Variants in FANCC observed in about 807,000 individuals in gnomAD.
FANCC encodes FA complementation group C.
A neutral mutation model predicts 71.3 loss-of-function variants in FANCC; 55 were observed. That is an observed-to-expected ratio of 0.77 (90% CI 0.62 to 0.97). The LOEUF is 0.97. FANCC is among the 50% of genes least tolerant of loss of function. The probability of loss-of-function intolerance (pLI) is 0.00; values close to 1 mark genes in which losing one functional copy is unlikely to be tolerated. For synonymous variants in FANCC, 275 were observed against 244.9 expected (o/e 1.12, Z -1.15); for missense variants, 678 against 670.9 (o/e 1.01, Z -0.12).
At chr9:95,149,884 A>G in intron 7 of FANCC, 39 bp downstream of exon 7, 1 of 1,563,204 alleles carries the variant, frequency 6.4e-7, no homozygotes, top group Non-Finnish European at 8.7e-7. Flanking sequence ...TAAGAAAAGG[A>G]AAAACGACGC....
intron 4 of FANCC, among the ~76,000 whole-genome samples, chr9:95,210,378 G>A (rs1023959073): frequency 6.6e-6 from 1 of 151,910 alleles, no homozygotes; most frequent in Non-Finnish European, 1.5e-5. Context: ...AAAAGCAAGA[G>A]AAGTCTCAAT....
chr9:95,127,784 G>C (rs2135002870), intron 8 of FANCC, among the ~76,000 whole-genome samples: 1 of 152,358 alleles, frequency 6.6e-6, no homozygotes, highest in Middle Eastern at 3.4e-3. Context: ...GCGCCTCCTC[G>C]CGGCCTCCCC....
intron 3 of FANCC, among the ~76,000 whole-genome samples, chr9:95,243,711 G>A (rs541637330): frequency 1.3e-5 from 2 of 152,144 alleles, no homozygotes; most frequent in South Asian, 4.1e-4. Flanking sequence ...GGAGAATGGC[G>A]TGAACCTAGG....
chr9:95,111,002 G>C, intron 13 of FANCC: 1 of 1,429,854 alleles, frequency 7.0e-7, no homozygotes, highest in Non-Finnish European at 9.1e-7. Flanking sequence ...GTAATGTGAG[G>C]ATCTGTTGAC....
intron 3 of FANCC, among the ~76,000 whole-genome samples, chr9:95,244,713 A>AC (rs1272065347): frequency 3.0e-5 from 4 of 133,678 alleles, no homozygotes; most frequent in East Asian, 2.2e-4. Context: ...AAAAAAAAAA[A>AC]CCCAACACTT....
intron 6 of FANCC, among the ~76,000 whole-genome samples, chr9:95,158,028 G>C (rs1230732661): frequency 1.3e-5 from 2 of 152,070 alleles, no homozygotes. Flanking sequence ...AGATCTTTTA[G>C]GGAGGAAGAT....
At chr9:95,155,862 GTGCT>G (rs1240246751) in intron 6 of FANCC, among the ~76,000 whole-genome samples, 1 of 150,622 alleles carries the variant, frequency 6.6e-6, no homozygotes, top group Non-Finnish European at 1.5e-5. Context: ...GGGATTACAG[GTGCT>G]TGCCACCACA....
At chr9:95,268,769 A>G (rs1564812897) in intron 1 of FANCC, among the ~76,000 whole-genome samples, 1 of 152,170 alleles carries the variant, frequency 6.6e-6, no homozygotes, top group Non-Finnish European at 1.5e-5. Flanking sequence ...GAGAAGGTAA[A>G]GACCTTAATT....
chr9:95,209,935 G>A (rs948653804), intron 4 of FANCC, among the ~76,000 whole-genome samples: 1 of 152,096 alleles, frequency 6.6e-6, no homozygotes, highest in African/African-American at 2.4e-5. Context: ...TGTATACCAG[G>A]AAATATGCAC....
intron 6 of FANCC, among the ~76,000 whole-genome samples, chr9:95,154,893 A>C (rs1248865038): frequency 2.0e-5 from 3 of 152,124 alleles, no homozygotes; most frequent in African/African-American, 4.8e-5. Context: ...TACAATGTTA[A>C]CTAGTAAAAT....
At chr9:95,190,853 G>A (rs759878493) in intron 4 of FANCC, among the ~76,000 whole-genome samples, 9 of 152,216 alleles carry the variant, frequency 5.9e-5, no homozygotes, top group Non-Finnish European at 1.3e-4. Context: ...ATTTTGTACA[G>A]TCCCATGATT....
intron 4 of FANCC, among the ~76,000 whole-genome samples, chr9:95,177,555 C>T (rs1826090375): frequency 6.6e-6 from 1 of 152,208 alleles, no homozygotes; most frequent in Admixed American, 6.5e-5. Flanking sequence ...TTTTGTTGAA[C>T]TTTTGGACTA....
In FANCC at chr9:95,133,420, G is replaced by A. The variant is rs73654533; in HGVS notation, c.843+1926C>T. ...TCTGAATTTCTGCACACATGATCCCGATAAAAGCTTTTGTAAGTCAACTGA... is the reference window on the plus strand; with the variant it reads ...TCTGAATTTCTGCACACATGATCCCAATAAAAGCTTTTGTAAGTCAACTGA... On this transcript the variant is annotated intron_variant, in intron 8 of 14. Coordinates refer to ENST00000289081, the MANE Select transcript of FANCC (RefSeq NM_000136.3). Among the ~76,000 whole-genome samples, 491 of 152,334 alleles carry A rather than the reference G, an allele frequency of 3.2e-3. 2 individuals are homozygous for A. Among genetic ancestry groups the A allele is most frequent in the African/African-American group, 0.011 (475 of 41,570 alleles).
rs534866036 is a variant in FANCC at position 95,262,010 on chromosome 9, C to T, written c.-78-12641G>A. 1.0e-3 allele frequency among the ~76,000 whole-genome samples: 154 copies of T among 152,244 alleles called. 6 individuals carry two copies. The South Asian group carries it at 0.032, about 31-fold the overall frequency. Reference sequence around the variant, plus strand: ...CATCAGCTTAGGACCACTGCCATTGCCCTTCTTCTCACACATATAAATTGC... The same window carrying T: ...CATCAGCTTAGGACCACTGCCATTGTCCTTCTTCTCACACATATAAATTGC... On this transcript the variant is annotated intron_variant, in intron 1 of 14. Transcript: ENST00000289081.
At chr9:95,284,099 C>A (rs1026825106) in intron 1 of FANCC, among the ~76,000 whole-genome samples, 8 of 152,164 alleles carry the variant, frequency 5.3e-5, no homozygotes, top group Non-Finnish European at 8.8e-5. Flanking sequence ...AAGTAGAAAC[C>A]AATGTCTTTC....
At chr9:95,106,949 G>A in intron 14 of FANCC, 117 bp downstream of exon 14, 1 of 1,001,358 alleles carries the variant, frequency 1.0e-6, no homozygotes, top group Non-Finnish European at 1.5e-6. Context: ...CCATTTATCT[G>A]TGCTGGGCAG....
At chr9:95,216,650 G>C (rs1178040864) in intron 4 of FANCC, among the ~76,000 whole-genome samples, 2 of 152,230 alleles carry the variant, frequency 1.3e-5, no homozygotes, top group African/African-American at 4.8e-5. Flanking sequence ...GAAAAAGGAA[G>C]TTTGTTTGCA....
At chr9:95,178,394 G>A (rs951889493) in intron 4 of FANCC, among the ~76,000 whole-genome samples, 64 of 152,232 alleles carry the variant, frequency 4.2e-4, no homozygotes, top group African/African-American at 1.5e-3. Flanking sequence ...GTTCAGAATG[G>A]CCGCCTTATC....
intron 10 of FANCC, among the ~76,000 whole-genome samples, chr9:95,120,875 T>C (rs1416770975): frequency 1.3e-5 from 2 of 152,224 alleles, no homozygotes. Context: ...TCCCCTCAAT[T>C]TTTTTGTTCC....
Sources: allele counts gnomAD v4.1 joint callset (sites outside exome capture counted in the v4.1 genomes callset), GRCh38; gene constraint gnomAD v4.1.1; transcripts MANE v1.5; gene names NCBI Gene and HGNC (gene_info 2026-07-23, HGNC 2026-07-21).